IGFL2: variants seen among roughly 807,000 people sequenced by gnomAD.
The protein encoded by IGFL2 is insulin growth factor-like family member 2.
Under a neutral mutation model 13.9 loss-of-function variants are expected in IGFL2, and 7 were observed. That is an observed-to-expected ratio of 0.51 (90% CI 0.29 to 0.95). The LOEUF is 0.95. Among genes scored for constraint, IGFL2 ranks in the 40% least tolerant of loss-of-function variants. IGFL2 has a pLI of 0.08. For synonymous variants in IGFL2, 55 were observed against 55.8 expected (o/e 0.99, Z 0.07); for missense variants, 138 against 147.8 (o/e 0.93, Z 0.34).
the IGFL2 span, chr19:46,137,655 C>T: frequency 1.5e-6 from 1 of 660,876 alleles, no homozygotes; most frequent in African/African-American, 1.8e-5. Context: ...GATGGGGACA[C>T]CTATGCGGCC....
the IGFL2 span, among the ~76,000 whole-genome samples, chr19:46,176,089 G>A: frequency 1.0e-3 from 134 of 134,268 alleles, no homozygotes; most frequent in African/African-American, 3.4e-3. Context: ...TCCTGACCTC[G>A]TGATCTGCCC....
the IGFL2 span, among the ~76,000 whole-genome samples, chr19:46,172,575 C>T: frequency 6.6e-6 from 1 of 152,172 alleles, no homozygotes; most frequent in African/African-American, 2.4e-5. Context: ...CCTCAGCCAC[C>T]TGAGTAGCTG....
At chr19:46,150,460 T>G (rs1364146438) in intron 1 of IGFL2, among the ~76,000 whole-genome samples, 1 of 152,214 alleles carries the variant, frequency 6.6e-6, no homozygotes, top group Non-Finnish European at 1.5e-5. Context: ...CATTAAGACT[T>G]ACTTGTATGT....
At chr19:46,123,898 C>T in the IGFL2 span, 32 of 1,610,150 alleles carry the variant, frequency 2.0e-5, no homozygotes, top group Admixed American at 3.4e-5. Context: ...GGTACAGCTC[C>T]GGGAGATGGG....
chr19:46,120,108 T>C, the IGFL2 span: 1 of 577,786 alleles, frequency 1.7e-6, no homozygotes, highest in Admixed American at 3.2e-5. Flanking sequence ...CCGATGAAAG[T>C]GGCTCTCAGC....
chr19:46,156,195 A>G (rs532768556), intron 1 of IGFL2, among the ~76,000 whole-genome samples: 1 of 152,308 alleles, frequency 6.6e-6, no homozygotes, highest in African/African-American at 2.4e-5. Context: ...GTTTGCATTG[A>G]ATTTATCGAT....
chr19:46,184,507 G>A, the IGFL2 span, among the ~76,000 whole-genome samples: 1 of 152,298 alleles, frequency 6.6e-6, no homozygotes, highest in Non-Finnish European at 1.5e-5. Context: ...TTATGAGTGA[G>A]AACATGCAGT....
At chr19:46,120,357 C>G in the IGFL2 span, 1 of 1,611,002 alleles carries the variant, frequency 6.2e-7, no homozygotes, top group Non-Finnish European at 8.5e-7. Context: ...GCCTCCTGTT[C>G]CTATCACAGT....
At chr19:46,104,802 G>C in the IGFL2 span, among the ~76,000 whole-genome samples, 1 of 152,230 alleles carries the variant, frequency 6.6e-6, no homozygotes, top group Admixed American at 6.5e-5. Context: ...GGTTCTAAGA[G>C]GCAGGCTAGT....
At chr19:46,186,217 G>A in the IGFL2 span, among the ~76,000 whole-genome samples, 1 of 152,172 alleles carries the variant, frequency 6.6e-6, no homozygotes, top group East Asian at 1.9e-4. Flanking sequence ...CGTCCAAGGG[G>A]CACCAGGAAA....
the IGFL2 span, among the ~76,000 whole-genome samples, chr19:46,079,394 G>T: frequency 6.6e-6 from 1 of 152,364 alleles, no homozygotes; most frequent in South Asian, 2.1e-4. Context: ...AGAAAATGGA[G>T]CTCAGCGAGT....
intron 1 of IGFL2, among the ~76,000 whole-genome samples, chr19:46,150,361 A>G (rs1322213708): frequency 2.0e-5 from 3 of 152,182 alleles, no homozygotes; most frequent in African/African-American, 7.2e-5. Context: ...TGCAGTGCAT[A>G]GGTTTTTAAT....
the IGFL2 span, chr19:46,124,105 C>G: frequency 6.2e-7 from 1 of 1,611,260 alleles, no homozygotes; most frequent in Non-Finnish European, 8.5e-7. Flanking sequence ...GATCTTGTTC[C>G]CACACCTGGG....
chr19:46,206,201 C>T, the IGFL2 span, among the ~76,000 whole-genome samples: 1 of 152,152 alleles, frequency 6.6e-6, no homozygotes, highest in Non-Finnish European at 1.5e-5. Context: ...CACCCCCTGC[C>T]CCGTCATCAT....
chr19:46,133,951 G>T, the IGFL2 span, among the ~76,000 whole-genome samples: 6 of 152,214 alleles, frequency 3.9e-5, no homozygotes, highest in Non-Finnish European at 7.3e-5. Flanking sequence ...AAAAGAGAAA[G>T]AATTCCCTGA....
At chr19:46,154,011 CT>C (rs1218029717) in intron 1 of IGFL2, among the ~76,000 whole-genome samples, 1 of 151,920 alleles carries the variant, frequency 6.6e-6, no homozygotes, top group Non-Finnish European at 1.5e-5. Flanking sequence ...TGACAGGCCC[CT>C]GGGTGTGATG....
the IGFL2 span, chr19:46,208,407 C>G: frequency 6.6e-5 from 10 of 152,098 alleles, no homozygotes; most frequent in Non-Finnish European, 1.3e-4. Context: ...GCAGGACACC[C>G]CCTCTAGGAG....
the IGFL2 span, chr19:46,123,786 T>C: frequency 1.5e-6 from 2 of 1,335,600 alleles, no homozygotes; most frequent in Admixed American, 4.6e-5. Context: ...CCTGACTCTT[T>C]TGCCGTTAGA....
At chr19:46,118,563 G>T in the IGFL2 span, among the ~76,000 whole-genome samples, 4 of 152,334 alleles carry the variant, frequency 2.6e-5, no homozygotes, top group East Asian at 7.7e-4. Context: ...GCTGCCCAAA[G>T]ATGTTGCTCC....
Sources: gnomAD v4.1 joint callset for allele counts (sites outside exome capture counted in the v4.1 genomes callset) on GRCh38, gnomAD v4.1.1 for gene constraint, MANE v1.5 for transcripts, NCBI Gene and HGNC (gene_info 2026-07-23, HGNC 2026-07-21) for gene names.